The following TTC23 variants were observed in gnomAD, a reference collection of about 807,000 sequenced individuals.
The protein encoded by TTC23 is tetratricopeptide repeat domain 23.
A neutral mutation model predicts 55.1 loss-of-function variants in TTC23; 58 were observed. That is an observed-to-expected ratio of 1.05 (90% confidence interval 0.85 to 1.31). The LOEUF is 1.31. TTC23 is among the 50% of genes most tolerant of loss of function. TTC23 has a pLI of 0.00. For missense variants in TTC23, 516 were observed against 534.4 expected, an observed-to-expected ratio of 0.97 and a Z score of 0.34; for synonymous variants, 203 against 199.9, an observed-to-expected ratio of 1.02 and a Z score of -0.13.
At chr15:99,228,466 A>G in intron 5 of TTC23, 67 bp downstream of exon 5, 1 of 1,366,958 alleles carries the variant, frequency 7.3e-7, no homozygotes, top group Non-Finnish European at 9.8e-7. Flanking sequence ...AAAACATTCT[A>G]CTTCTCTTGA....
intron 3 of TTC23, among the ~76,000 whole-genome samples, chr15:99,238,499 T>C (rs1032905317): frequency 2.0e-5 from 3 of 152,166 alleles, no homozygotes; most frequent in Non-Finnish European, 4.4e-5. Flanking sequence ...CTTGCTTGTT[T>C]GGCTAAAAAG....
At chr15:99,229,242 G>A (rs560165530) in intron 4 of TTC23, among the ~76,000 whole-genome samples, 1 of 152,180 alleles carries the variant, frequency 6.6e-6, no homozygotes, top group South Asian at 2.1e-4. Context: ...TGACCCTGAG[G>A]TAGAAAATAA....
intron 9 of TTC23, 81 bp downstream of exon 9, chr15:99,199,838 T>C (rs2151992539): frequency 2.9e-6 from 4 of 1,392,564 alleles, no homozygotes; most frequent in South Asian, 1.5e-5. Flanking sequence ...AGCCAGGCAT[T>C]TTCAGAGCTG....
chr15:99,226,006 G>A (rs2078375734), intron 5 of TTC23, among the ~76,000 whole-genome samples: 1 of 152,158 alleles, frequency 6.6e-6, no homozygotes, highest in Admixed American at 6.5e-5. Context: ...AGAATCATGA[G>A]GAAGCATAAG....
At chr15:99,250,138 G>GT (rs1413968980), upstream of TTC23, among the ~76,000 whole-genome samples, 2 of 152,024 alleles carry the variant, frequency 1.3e-5, no homozygotes, top group Admixed American at 1.3e-4. Context: ...ATTAAACACC[G>GT]TATCTTTGTT....
intron 9 of TTC23, among the ~76,000 whole-genome samples, chr15:99,187,427 G>T (rs2602018): frequency 0.79 from 103,473 of 131,260 alleles, 41,092 homozygotes; most frequent in African/African-American, 0.89. Context: ...GAATGATTTC[G>T]GAGATGTGAT....
intron 2 of TTC23, among the ~76,000 whole-genome samples, chr15:99,244,155 A>T (rs967195347): frequency 6.6e-6 from 1 of 152,154 alleles, no homozygotes; most frequent in Non-Finnish European, 1.5e-5. Flanking sequence ...AAACCAAAAA[A>T]TCCTGATTTA....
intron 5 of TTC23, among the ~76,000 whole-genome samples, chr15:99,225,846 G>A (rs1482844324): frequency 6.6e-6 from 1 of 152,144 alleles, no homozygotes; most frequent in Non-Finnish European, 1.5e-5. Flanking sequence ...CTGCAGTAAA[G>A]AAACCTGCCA....
chr15:99,142,756 C>T (rs2068388857), intron 12 of TTC23, among the ~76,000 whole-genome samples: 1 of 152,206 alleles, frequency 6.6e-6, no homozygotes, highest in South Asian at 2.1e-4. Context: ...TATGCAAATT[C>T]TCAGTGTCTA....
intron 8 of TTC23, among the ~76,000 whole-genome samples, chr15:99,205,559 T>C (rs1439906113): frequency 6.6e-6 from 1 of 152,090 alleles, no homozygotes; most frequent in Non-Finnish European, 1.5e-5. Flanking sequence ...AGGTTTTTTT[T>C]TGTAGCTATT....
chr15:99,245,670 G>C (rs2080180917), intron 1 of TTC23, among the ~76,000 whole-genome samples, 160 bp from the exon 2 acceptor site: 1 of 151,738 alleles, frequency 6.6e-6, no homozygotes, highest in Admixed American at 6.6e-5. Flanking sequence ...AAACAGTGCT[G>C]GTACAACTGG....
At chr15:99,243,153 AG>A (rs1176903107) in intron 2 of TTC23, among the ~76,000 whole-genome samples, 1 of 152,228 alleles carries the variant, frequency 6.6e-6, no homozygotes, top group African/African-American at 2.4e-5. Context: ...AAAACCCAAT[AG>A]GAAAAAAAAT....
In TTC23 at chr15:99,221,829, T is replaced by C. The variant is rs1352123041; in HGVS notation, c.216A>G (p.Val72=). ...CTCCATAGCAAATTCTTGTCAGTGC[T>C]ACGCAACGCACAAGCTCATGGACGG... ...KQAVHELVRC[V]ALTRICYGDS... The change falls in exon 6 of 14, where the codon GTA becomes GTG. Residue 72 remains valine, a synonymous_variant. Transcript: ENST00000394132. 4 of 1,614,112 alleles carry C rather than the reference T, an allele frequency of 2.5e-6. No homozygotes were observed. The highest frequency in any genetic ancestry group is 3.4e-6 in the Non-Finnish European group (4 of 1,180,040).
intron 4 of TTC23, among the ~76,000 whole-genome samples, chr15:99,230,715 T>C (rs1250949790): frequency 6.6e-6 from 1 of 152,206 alleles, no homozygotes; most frequent in Admixed American, 6.5e-5. Context: ...CTTCTTATCT[T>C]TAAAGTATGG....
At chr15:99,183,058 A>C (rs2074302741) in intron 9 of TTC23, among the ~76,000 whole-genome samples, 1 of 152,222 alleles carries the variant, frequency 6.6e-6, no homozygotes, top group Non-Finnish European at 1.5e-5. Context: ...AGAACTCAGA[A>C]GACAGGAAGA....
chr15:99,166,916 A>C (rs959372682), intron 10 of TTC23, among the ~76,000 whole-genome samples: 3 of 152,146 alleles, frequency 2.0e-5, no homozygotes, highest in Non-Finnish European at 4.4e-5. Flanking sequence ...CCACGTGTGC[A>C]CCTTCCCTGT....
chr15:99,157,124 T>C (rs1450615634), intron 11 of TTC23: 2 of 147,834 alleles, frequency 1.4e-5, no homozygotes, highest in Non-Finnish European at 3.0e-5. Context: ...GCCAGTGATC[T>C]TCATACCTTT....
At chr15:99,219,104 T>C in intron 6 of TTC23, 56 bp from the exon 7 acceptor site, 1 of 1,584,420 alleles carries the variant, frequency 6.3e-7, no homozygotes, top group South Asian at 1.1e-5. Context: ...TGGACAGGAA[T>C]ACAGTTCCTT....
intron 13 of TTC23, among the ~76,000 whole-genome samples, chr15:99,138,460 C>G (rs2067811487): frequency 6.6e-6 from 1 of 152,124 alleles, no homozygotes; most frequent in Non-Finnish European, 1.5e-5. Flanking sequence ...ATTACAGGCA[C>G]ATGCCACCAC....
Sources: gnomAD v4.1 joint callset for allele counts (sites outside exome capture counted in the v4.1 genomes callset) on GRCh38, gnomAD v4.1.1 for gene constraint, MANE v1.5 for transcripts, NCBI Gene and HGNC (gene_info 2026-07-23, HGNC 2026-07-21) for gene names.